The following MYO16 variants were observed in gnomAD, a reference collection of about 807,000 sequenced individuals.
MYO16 encodes the protein unconventional myosin-XVI.
A neutral mutation model predicts 205.3 loss-of-function variants in MYO16; 94 were observed. That is an observed-to-expected ratio of 0.46 (90% CI 0.39 to 0.54). The LOEUF is 0.54. MYO16 is among the 20% of genes least tolerant of loss of function. The pLI is 0.00. For synonymous variants in MYO16, 988 were observed against 954.0 expected, an observed-to-expected ratio of 1.04 and a Z score of -0.66; for missense variants, 2,315 against 2,387.5, an observed-to-expected ratio of 0.97 and a Z score of 0.63.
chr13:108,641,478 G>C (rs548053718), intron 1 of MYO16, among the ~76,000 whole-genome samples: 31 of 152,270 alleles, frequency 2.0e-4, no homozygotes, highest in Non-Finnish European at 3.5e-4. Flanking sequence ...GAAGAGAGTC[G>C]TTGAAGTGGG....
At chr13:108,862,824 T>C (rs1878511435) in intron 11 of MYO16, among the ~76,000 whole-genome samples, 1 of 152,210 alleles carries the variant, frequency 6.6e-6, no homozygotes, top group African/African-American at 2.4e-5. Flanking sequence ...ATTTTTCATT[T>C]CACAAAATGT....
chr13:108,908,988 A>G (rs1397550949), intron 15 of MYO16, among the ~76,000 whole-genome samples: 1 of 124,178 alleles, frequency 8.1e-6, no homozygotes, highest in Non-Finnish European at 1.5e-5. Context: ...AAATAAAATA[A>G]AATAAATAAA....
At chr13:108,714,902 C>A (rs936693322) in intron 3 of MYO16, among the ~76,000 whole-genome samples, 1 of 152,142 alleles carries the variant, frequency 6.6e-6, no homozygotes, top group African/African-American at 2.4e-5. Flanking sequence ...AGCTGCCAGT[C>A]GGTTTTAAAC....
At chr13:109,044,429 T>C (rs541690234) in intron 23 of MYO16, among the ~76,000 whole-genome samples, 3 of 152,264 alleles carry the variant, frequency 2.0e-5, no homozygotes, top group Admixed American at 6.5e-5. Context: ...AAGGATATGA[T>C]TGGAGGCATT....
At chr13:109,147,143 G>A (rs1009501324) in intron 32 of MYO16, among the ~76,000 whole-genome samples, 2 of 151,270 alleles carry the variant, frequency 1.3e-5, no homozygotes, top group African/African-American at 2.4e-5. Flanking sequence ...ATTTCTCCAA[G>A]GGAACACTTG....
intron 22 of MYO16, among the ~76,000 whole-genome samples, chr13:109,018,710 C>G (rs7337315): frequency 0.017 from 2,571 of 152,284 alleles, 77 homozygotes; most frequent in African/African-American, 0.059. Flanking sequence ...CCCCGATTTT[C>G]CTGGTACAGT....
chr13:108,899,876 G>A (rs538966227), intron 15 of MYO16, among the ~76,000 whole-genome samples: 1 of 152,342 alleles, frequency 6.6e-6, no homozygotes, highest in African/African-American at 2.4e-5. Context: ...TATAGATGCA[G>A]AATCTGAGGC....
intron 31 of MYO16, among the ~76,000 whole-genome samples, chr13:109,133,273 G>A (rs921975184): frequency 6.6e-6 from 1 of 152,058 alleles, no homozygotes; most frequent in Non-Finnish European, 1.5e-5. Flanking sequence ...GTTTGCTTTC[G>A]CTCTGAAACT....
chr13:108,595,657 A>G (rs959046040), upstream of MYO16, among the ~76,000 whole-genome samples: 1 of 152,118 alleles, frequency 6.6e-6, no homozygotes, highest in African/African-American at 2.4e-5. Flanking sequence ...ACAGAAAGCA[A>G]GGACTTGGCC....
intron 27 of MYO16, among the ~76,000 whole-genome samples, chr13:109,063,028 T>A (rs1028189449): frequency 6.6e-6 from 1 of 152,128 alleles, no homozygotes; most frequent in Admixed American, 6.5e-5. Context: ...AACAACAAAA[T>A]GTCCAGTTTT....
chr13:108,778,769 CT>C (rs1396911131), intron 4 of MYO16, among the ~76,000 whole-genome samples: 1 of 152,144 alleles, frequency 6.6e-6, no homozygotes, highest in African/African-American at 2.4e-5. Flanking sequence ...CTTCAGCAAC[CT>C]ACACAATTAC....
intron 2 of MYO16, among the ~76,000 whole-genome samples, chr13:108,667,768 A>G (rs1355233532): frequency 6.6e-6 from 1 of 152,212 alleles, no homozygotes; most frequent in African/African-American, 2.4e-5. Context: ...AATTGGTGCC[A>G]GGTATGGTGG....
chr13:109,037,018 C>A (rs1886739376), intron 23 of MYO16, among the ~76,000 whole-genome samples: 1 of 152,220 alleles, frequency 6.6e-6, no homozygotes, highest in South Asian at 2.1e-4. Flanking sequence ...AACCTGCTCT[C>A]CCCAGTGGCA....
At position 108,818,560 on chromosome 13, in the gene MYO16, G is replaced by GA. The variant is rs1444446444; in HGVS notation, c.868-1771dup. ...TGAACTGTTAAGCAAAAATACCATAGAAAAAATCAACAATACCTCAAATTG... is the reference window on the plus strand; with the variant it reads ...TGAACTGTTAAGCAAAAATACCATAGAAAAAAATCAACAATACCTCAAATTG... On this transcript the variant is annotated intron_variant, in intron 7 of 34. Coordinates refer to ENST00000457511, the MANE Select transcript of MYO16 (RefSeq NM_001198950.3). Among the ~76,000 whole-genome samples, 3 of 152,046 alleles carry GA rather than the reference G, an allele frequency of 2.0e-5. No homozygotes were observed. In the East Asian group the frequency reaches 5.8e-4, roughly 29 times the overall value.
At chr13:109,193,011 C>G (rs1879990034) in intron 34 of MYO16, among the ~76,000 whole-genome samples, 2 of 152,078 alleles carry the variant, frequency 1.3e-5, no homozygotes, top group African/African-American at 4.8e-5. Flanking sequence ...TTCATGTCTT[C>G]CAATGACAGA....
At chr13:108,861,054 T>A (rs1233211967) in intron 11 of MYO16, among the ~76,000 whole-genome samples, 1 of 152,188 alleles carries the variant, frequency 6.6e-6, no homozygotes, top group Admixed American at 6.5e-5. Flanking sequence ...GCAATCATTT[T>A]TTCCCATAAA....
intron 3 of MYO16, among the ~76,000 whole-genome samples, chr13:108,718,034 T>G (rs1157824741): frequency 6.6e-6 from 1 of 152,162 alleles, no homozygotes; most frequent in Non-Finnish European, 1.5e-5. Flanking sequence ...CGAGCTGCTC[T>G]TTGCTCTTCA....
chr13:109,134,369 T>C (rs1042634213), intron 31 of MYO16, among the ~76,000 whole-genome samples: 12 of 152,270 alleles, frequency 7.9e-5, no homozygotes, highest in Non-Finnish European at 1.3e-4. Flanking sequence ...GTACCAGTTA[T>C]GTGTTTTTGC....
In MYO16 at chr13:108,872,433, G is replaced by A. The variant is rs950014273; in HGVS notation, c.1425+6191G>A. 4.6e-5 allele frequency among the ~76,000 whole-genome samples: 7 copies of A among 152,090 alleles called. No homozygotes were observed. In the East Asian group the frequency reaches 1.2e-3, roughly 25 times the overall value. On this transcript the variant is annotated intron_variant, in intron 12 of 34. Transcript: ENST00000457511. ...TTGTTTTTAAAGTACTGACACTATAGTAGTATTAGGGCTTCAGATAATACG... is the reference window on the plus strand; with the variant it reads ...TTGTTTTTAAAGTACTGACACTATAATAGTATTAGGGCTTCAGATAATACG...
Sources: gnomAD v4.1 joint callset for allele counts (sites outside exome capture counted in the v4.1 genomes callset) on GRCh38, gnomAD v4.1.1 for gene constraint, MANE v1.5 for transcripts, NCBI Gene and HGNC (gene_info 2026-07-23, HGNC 2026-07-21) for gene names.